Variants in LYZL6 observed in about 807,000 individuals in gnomAD.
LYZL6 encodes lysozyme like 6.
In LYZL6, 21 loss-of-function variants were observed where a neutral mutation model predicts 15.0. The observed-to-expected ratio is 1.40, with a 90% CI of 1.00 to 2.02. LYZL6 has a LOEUF of 2.02. LYZL6 is among the 30% of genes most tolerant of loss of function. LYZL6 has a pLI of 0.00. For missense variants in LYZL6, 173 were observed against 180.5 expected, an observed-to-expected ratio of 0.96 and a Z score of 0.24; for synonymous variants, 72 against 67.8, an observed-to-expected ratio of 1.06 and a Z score of -0.31.
intron 1 of LYZL6, among the ~76,000 whole-genome samples, chr17:35,942,525 A>C (rs1047466946): frequency 3.3e-5 from 5 of 152,174 alleles, no homozygotes; most frequent in African/African-American, 9.7e-5. Context: ...GAAAGAAACT[A>C]CTTAGGTAGA....
Position 35,936,801 on chromosome 17 carries a change from G to A in LYZL6, c.331C>T (p.His111Tyr), listed in dbSNP as rs765172934. ...CCGGACACAATCCTTTTTGCGCAGT[G>A]GATGCCTGCAAGAAGGTTGGGATTC... ...LLNPNLLAGI[H>Y]CAKRIVSGAR... The change falls in exon 4 of 5, where the codon CAC (histidine) becomes TAC (tyrosine). Residue 111 changes from histidine (H) to tyrosine (Y), a missense_variant. His to Tyr is a moderately conservative substitution (Grantham distance 83, BLOSUM62 2). Transcript: ENST00000615905. 41 of 1,613,758 alleles carry A rather than the reference G, an allele frequency of 2.5e-5. No individual in the cohort carries two copies. The highest frequency in any genetic ancestry group is 3.4e-5 in the Non-Finnish European group (40 of 1,180,026).
chr17:35,940,097 T>G (rs1476465666), intron 1 of LYZL6, among the ~76,000 whole-genome samples: 1 of 152,110 alleles, frequency 6.6e-6, no homozygotes, highest in Non-Finnish European at 1.5e-5. Flanking sequence ...ATTGTGTATG[T>G]GTGTGTGCGC....
chr17:35,936,770 C>T lies in LYZL6; in HGVS notation c.362G>A (p.Arg121Gln), dbSNP rs199612410. Reference sequence around the variant, plus strand: ...TCCTCCTCACCAGTTGTTCATCCCCCGTGCTCCGGACACAATCCTTTTTGC... The same window carrying T: ...TCCTCCTCACCAGTTGTTCATCCCCTGTGCTCCGGACACAATCCTTTTTGC... ...HCAKRIVSGARGMNNWVEWRL... is the reference protein window; with the variant it reads ...HCAKRIVSGAQGMNNWVEWRL... Residue 121 changes from arginine to glutamine, a missense_variant, in exon 4 of 5, where the codon CGG becomes CAG. Coordinates refer to ENST00000615905, the MANE Select transcript of LYZL6 (RefSeq NM_020426.4). 45 of 1,613,722 alleles carry T rather than the reference C, an allele frequency of 2.8e-5. No homozygotes were observed. Among genetic ancestry groups the T allele is most frequent in the African/African-American group, 9.3e-5 (7 of 75,062 alleles).
At chr17:35,935,949 G>A (rs907484577) in intron 4 of LYZL6, among the ~76,000 whole-genome samples, 1 of 151,802 alleles carries the variant, frequency 6.6e-6, no homozygotes, top group Non-Finnish European at 1.5e-5. Flanking sequence ...GAGTAGCTGG[G>A]ACTACAGGCA....
At chr17:35,941,745 G>A (rs2089426114) in intron 1 of LYZL6, among the ~76,000 whole-genome samples, 1 of 152,182 alleles carries the variant, frequency 6.6e-6, no homozygotes, top group Non-Finnish European at 1.5e-5. Context: ...TAAGTGTGGA[G>A]GAAGTCATGG....
rs1010188006 is a variant in LYZL6 at position 35,934,672 on chromosome 17, T to A, written c.*124A>T. On this transcript the variant is annotated 3_prime_UTR_variant, in exon 5 of 5. Coordinates refer to ENST00000615905, the MANE Select transcript of LYZL6 (RefSeq NM_020426.4). ...CATTTATTCCTGGGGCTCTGGTCAG[T>A]TTTAGTTGTAAATGGGAAGGGAAGA... 1.6e-5 allele frequency: 15 copies of A among 921,250 alleles called. No individual in the cohort carries two copies. In the South Asian group the frequency reaches 2.4e-4, roughly 15 times the overall value. 57.1% of individuals were successfully genotyped at this position (921,250 alleles called of 1,614,324 possible).
intron 4 of LYZL6, 65 bp from the exon 5 acceptor site, chr17:35,934,930 T>C: frequency 6.6e-7 from 1 of 1,519,920 alleles, no homozygotes; most frequent in South Asian, 1.1e-5. Flanking sequence ...CATGACCCAG[T>C]TCTTGGTGAG....
rs940251476 is a variant in LYZL6, at chr17:35,939,468, T to C, written c.-112A>G. The C allele has an allele frequency of 9.5e-7, 1 of 1,048,078 alleles. No homozygotes were observed. 64.9% of individuals were successfully genotyped at this position (1,048,078 alleles called of 1,614,324 possible). On this transcript the variant is annotated 5_prime_UTR_variant, in exon 2 of 5. Transcript: ENST00000615905. Reference sequence around the variant, plus strand: ...ATCTGGAGAGGGCAGCCAGGTTTCCTTACTCACTCACTGCTCCAACCTGGC... The same window carrying C: ...ATCTGGAGAGGGCAGCCAGGTTTCCCTACTCACTCACTGCTCCAACCTGGC...
At position 35,939,329 on chromosome 17, in the gene LYZL6, C is replaced by A; in HGVS notation, c.28G>T (p.Val10Phe). 6.2e-7 allele frequency: 1 copy of A among 1,614,090 alleles called. No homozygotes were observed. Among genetic ancestry groups the A allele is most frequent in the Non-Finnish European group, 8.5e-7 (1 of 1,179,992 alleles). MTKALLIYL[V>F]SSFLALNQAS... is the part of the protein sequence containing the mutation. ...TGATTTAGGGCAAGAAAGCTGCTGACCAAATAGATGAGTAGCGCCTTTGTC... is the reference window on the plus strand; with the variant it reads ...TGATTTAGGGCAAGAAAGCTGCTGAACAAATAGATGAGTAGCGCCTTTGTC... The change falls in exon 2 of 5, where the codon GTC becomes TTC. Residue 10 changes from valine (V) to phenylalanine (F), a missense_variant. Coordinates refer to ENST00000615905, the MANE Select transcript of LYZL6 (RefSeq NM_020426.4).
Position 35,937,908 on chromosome 17 carries a change from G to T in LYZL6, c.148C>A (p.Leu50Met), listed in dbSNP as rs927776600. The T allele has an allele frequency of 1.2e-6, 2 of 1,613,606 alleles. No individual in the cohort carries two copies. The highest frequency in any genetic ancestry group is 2.7e-5 in the African/African-American group (2 of 74,902). Residue 50 changes from leucine (L) to methionine (M), a missense_variant, in exon 3 of 5, where the codon CTG becomes ATG. Physicochemically the swap from Leu to Met is conservative, Grantham distance 15. Transcript: ENST00000615905. ...EGYSLSDWLCLAFVESKFNIS... is the reference protein window; with the variant it reads ...EGYSLSDWLCMAFVESKFNIS... ...TTGAACTTGCTTTCCACAAAAGCCA[G>T]GCACAGCCCTTAGAGTAGGGAGAAG... is the stretch of plus-strand genomic sequence containing the variant.
Position 35,934,739 on chromosome 17 carries a change from A to T in LYZL6, c.*57T>A. On this transcript the variant is annotated 3_prime_UTR_variant, in exon 5 of 5. Transcript: ENST00000615905. ...AGGCAGTAGGAAGAAGAAATGAAGA[A>T]TCCCTGAGTGAGGACAGGAGTCTTG... 1.3e-6 allele frequency: 2 copies of T among 1,491,980 alleles called. No homozygotes were observed. Among genetic ancestry groups the T allele is most frequent in the South Asian group, 1.1e-5 (1 of 87,554 alleles). The allele number at this position is 1,491,980 out of a possible 1,614,324, so 92.4% of individuals were successfully genotyped here.
intron 1 of LYZL6, among the ~76,000 whole-genome samples, chr17:35,939,938 G>A (rs2089412139): frequency 6.6e-6 from 1 of 152,158 alleles, no homozygotes; most frequent in Non-Finnish European, 1.5e-5. Context: ...ATCTGAGCAT[G>A]TGCTTTTAGA....
intron 3 of LYZL6, among the ~76,000 whole-genome samples, chr17:35,937,321 G>T (rs1030074798): frequency 6.6e-5 from 10 of 152,058 alleles, no homozygotes; most frequent in Non-Finnish European, 1.5e-4. Flanking sequence ...GCTAAAGAGG[G>T]TACTCCGGAA....
At chr17:35,940,781 A>G (rs1405692171) in intron 1 of LYZL6, among the ~76,000 whole-genome samples, 2 of 152,182 alleles carry the variant, frequency 1.3e-5, no homozygotes, top group African/African-American at 4.8e-5. Context: ...GGCATTTTGT[A>G]TCTGGCTTCT....
At chr17:35,938,680 A>C (rs1304890946) in intron 2 of LYZL6, among the ~76,000 whole-genome samples, 1 of 149,942 alleles carries the variant, frequency 6.7e-6, no homozygotes, top group Non-Finnish European at 1.5e-5. Context: ...AAAGTGTTGC[A>C]AGACAGGTGC....
At chr17:35,935,375 G>A (rs1379322261) in intron 4 of LYZL6, among the ~76,000 whole-genome samples, 1 of 152,194 alleles carries the variant, frequency 6.6e-6, no homozygotes, top group African/African-American at 2.4e-5. Flanking sequence ...AGCTATGTGG[G>A]TGTCTGCCCA....
intron 2 of LYZL6, among the ~76,000 whole-genome samples, chr17:35,938,454 C>T (rs1391371309): frequency 6.6e-6 from 1 of 151,890 alleles, no homozygotes; most frequent in Non-Finnish European, 1.5e-5. Flanking sequence ...CCTGTCTCTA[C>T]TAAAAATACA....
Position 35,937,928 on chromosome 17 carries a change from GAGA to G in LYZL6, c.140-15_140-13del, listed in dbSNP as rs544655675. ...AGCCAGGCACAGCCCTTAGAGTAGG[GAGA>G]AGAAGGTCAGGATTTAGAGGGGACC... is the stretch of plus-strand genomic sequence containing the variant. On this transcript the variant is annotated splice_polypyrimidine_tract_variant and intron_variant, in intron 2 of 4. Transcript: ENST00000615905. 6.4e-4 allele frequency: 1,028 copies of G among 1,611,952 alleles called. 7 individuals carry two copies. In the African/African-American group the frequency reaches 0.012, roughly 19 times the overall value.
At position 35,934,526 on chromosome 17, in the gene LYZL6, G is replaced by C; in HGVS notation, c.*270C>G. 2.2e-6 allele frequency: 1 copy of C among 457,600 alleles called. No homozygotes were observed. Among genetic ancestry groups the C allele is most frequent in the Non-Finnish European group, 3.9e-6 (1 of 255,274 alleles). 28.3% of individuals were successfully genotyped at this position (457,600 alleles called of 1,614,324 possible). A position where few individuals can be genotyped will look rare whatever the true frequency, so the allele number is the denominator to read the frequency against. ...AATAAATGGACACAGTCTTTGCAGA[G>C]CGAGTGCTTTAATATTTCGATAAAT... On this transcript the variant is annotated 3_prime_UTR_variant, in exon 5 of 5. Transcript: ENST00000615905.
Sources: allele counts gnomAD v4.1 joint callset (sites outside exome capture counted in the v4.1 genomes callset), GRCh38; gene constraint gnomAD v4.1.1; transcripts MANE v1.5; gene names NCBI Gene and HGNC (gene_info 2026-07-23, HGNC 2026-07-21).